Variants in MYH13 observed in about 807,000 individuals in gnomAD.
The protein encoded by MYH13 is myosin heavy chain 13, also known as myosin-13.
Under a neutral mutation model 232.1 loss-of-function variants are expected in MYH13, and 177 were observed. That is an observed-to-expected ratio of 0.76 (90% CI 0.67 to 0.86). The LOEUF (loss-of-function observed/expected upper bound fraction) is 0.86, where lower values mean the gene tolerates loss of function less well. Among genes scored for constraint, MYH13 ranks in the 40% least tolerant of loss-of-function variants. MYH13 has a pLI of 0.00. For synonymous variants in MYH13, 884 were observed against 923.5 expected, an observed-to-expected ratio of 0.96 and a Z score of 0.78; for missense variants, 2,246 against 2,405.9, an observed-to-expected ratio of 0.93 and a Z score of 1.39.
chr17:10,313,136 A>G (rs1414002547), intron 30 of MYH13, 22 bp downstream of exon 30: 6 of 1,613,938 alleles, frequency 3.7e-6, no homozygotes, highest in Admixed American at 3.3e-5. Context: ...CCCCTCTGCT[A>G]TTGCCACCCT....
Position 10,333,163 on chromosome 17 carries a change from G to T in MYH13, c.2085C>A (p.His695Gln). 1.3e-6 allele frequency: 2 copies of T among 1,551,568 alleles called. No homozygotes were observed. Among genetic ancestry groups the T allele is most frequent in the African/African-American group, 1.4e-5 (1 of 73,198 alleles). ...CGAGGACCCCGTTACAGCGCAGCTG[G>T]TGCATGACCAAGTAGTGGTCCATCA... is the stretch of plus-strand genomic sequence containing the variant. Reference protein sequence around the residue: ...PGVMDHYLVMHQLRCNGVLEG... With the variant: ...PGVMDHYLVMQQLRCNGVLEG... Residue 695 changes from histidine to glutamine, a missense_variant, in exon 19 of 41, where the codon CAC becomes CAA. Coordinates refer to ENST00000252172, the MANE Select transcript of MYH13 (RefSeq NM_003802.3).
At chr17:10,324,588 G>A (rs1410785147) in intron 22 of MYH13, among the ~76,000 whole-genome samples, 3 of 151,930 alleles carry the variant, frequency 2.0e-5, no homozygotes, top group Non-Finnish European at 4.4e-5. Flanking sequence ...GGGATTACAG[G>A]CATGTGCTAC....
At position 10,344,090 on chromosome 17, in the gene MYH13, A is replaced by T. The variant is rs747566701; in HGVS notation, c.1604T>A (p.Ile535Asn). 2 of 1,614,020 alleles carry T rather than the reference A, an allele frequency of 1.2e-6. No individual in the cohort carries two copies. The highest frequency in any genetic ancestry group is 1.7e-6 in the Non-Finnish European group (2 of 1,179,904). The change falls in exon 16 of 41, where the codon ATC becomes AAC. Residue 535 changes from isoleucine (I) to asparagine (N), a missense_variant. Transcript: ENST00000252172. ...GGGGAACATGCACTCCTCTTCCAGG[A>T]TGGAGAAGATGCCCATAGGCTGGAA... is the stretch of plus-strand genomic sequence containing the variant. ...LIEKPMGIFS[I>N]LEEECMFPKA...
At chr17:10,308,884 A>G (rs1906387501) in intron 35 of MYH13, among the ~76,000 whole-genome samples, 1 of 152,130 alleles carries the variant, frequency 6.6e-6, no homozygotes, top group Non-Finnish European at 1.5e-5. Flanking sequence ...GAGCCGGGTC[A>G]AAAATAATTA....
chr17:10,328,669 T>C (rs1376428429), intron 21 of MYH13, among the ~76,000 whole-genome samples: 6 of 143,544 alleles, frequency 4.2e-5, no homozygotes, highest in Non-Finnish European at 1.5e-5. Context: ...ATTTCTTTCT[T>C]TTCTATTCGT....
Position 10,306,982 on chromosome 17 carries a change from T to C in MYH13, c.5252A>G (p.Glu1751Gly). The C allele has an allele frequency of 6.2e-7, 1 of 1,614,054 alleles. No homozygotes were observed. The highest frequency in any genetic ancestry group is 1.1e-5 in the South Asian group (1 of 91,082). ...CQAEVENSIQ[E>G]SRNAEEKAKK... ...GGCCTTCTCCTCTGCGTTCCTGGAC[T>C]CCTGGATCGAGTTCTCCACCTCTGC... Residue 1751 changes from glutamate to glycine, a missense_variant, in exon 36 of 41, where the codon GAG (glutamate) becomes GGG (glycine). Coordinates refer to ENST00000252172, the MANE Select transcript of MYH13 (RefSeq NM_003802.3). The surrounding 1 kb of genome is among the most constrained non-coding windows in gnomAD (Gnocchi z 4.3).
In MYH13 at chr17:10,354,709, C is replaced by T. The variant is rs201107300; in HGVS notation, c.976G>A (p.Asp326Asn). ...GTCGCCAGCAGTTCTTCACTGTCAT[C>T]GATACTGGCTACCGTGACCTCTCCT... ...SQGEVTVASI[D>N]DSEELLATDN... is the part of the protein sequence containing the mutation. Residue 326 changes from aspartate (D) to asparagine (N), a missense_variant, in exon 11 of 41, where the codon GAT (aspartate) becomes AAT (asparagine). Physicochemically the swap from Asp to Asn is conservative, Grantham distance 23. Transcript: ENST00000252172. 92 of 1,613,844 alleles carry T rather than the reference C, an allele frequency of 5.7e-5. 1 individual carries two copies. The South Asian group carries it at 7.4e-4, about 13-fold the overall frequency.
rs148679206 is a variant in MYH13, at chr17:10,328,415, G to A, written c.2436-294C>T. 3.2e-3 allele frequency among the ~76,000 whole-genome samples: 480 copies of A among 152,304 alleles called. 1 individual carries two copies. Among genetic ancestry groups the A allele is most frequent in the Middle Eastern group, 0.01 (3 of 294 alleles). On this transcript the variant is annotated intron_variant, in intron 21 of 40. Coordinates refer to ENST00000252172, the MANE Select transcript of MYH13 (RefSeq NM_003802.3). ...GAGAGTGCCCTGCCTGAGGGCGTCC[G>A]TGACCTCCTAATGCTCAATGCAAGG...
chr17:10,346,677 T>G lies in MYH13; in HGVS notation c.1263+3A>C. ...TCAACTGGATTCAGAGCATCTCCAT[T>G]ACCTGCTGGACATTTTGCCCTTTAG... On this transcript the variant is annotated splice_donor_region_variant and intron_variant, in intron 13 of 40. Coordinates refer to ENST00000252172, the MANE Select transcript of MYH13 (RefSeq NM_003802.3). 6.2e-7 allele frequency: 1 copy of G among 1,605,132 alleles called. No individual in the cohort carries two copies. The highest frequency in any genetic ancestry group is 1.7e-5 in the Admixed American group (1 of 59,952).
Position 10,306,527 on chromosome 17 carries a change from G to A in MYH13, c.5398C>T (p.Arg1800Cys). 5.0e-6 allele frequency: 8 copies of A among 1,613,958 alleles called. No homozygotes were observed. Among genetic ancestry groups the A allele is most frequent in the Non-Finnish European group, 6.8e-6 (8 of 1,179,994 alleles). The change falls in exon 37 of 41, where the codon CGT becomes TGT. Residue 1800 changes from arginine to cysteine, a missense_variant. Transcript: ENST00000252172. The surrounding 1 kb of genome is among the most constrained non-coding windows in gnomAD (Gnocchi z 4.3). ...LEQTVKDLQH[R>C]LDEAEQLALK... ...GCCAGTTGTTCAGCCTCATCTAGAC[G>A]GTGCTGCAGGTCCTTCACCGTCTGC...
intron 3 of MYH13, among the ~76,000 whole-genome samples, chr17:10,362,975 C>G (rs1008220856): frequency 9.2e-5 from 14 of 152,174 alleles, no homozygotes; most frequent in African/African-American, 3.1e-4. Flanking sequence ...AGCACCAACT[C>G]TTCCACGACC....
rs777846745 is a variant in MYH13 at position 10,306,460 on chromosome 17, C to T, written c.5465G>A (p.Arg1822Gln). The change falls in exon 37 of 41, where the codon CGG becomes CAG. Residue 1822 changes from arginine to glutamine, a missense_variant and splice_region_variant. By Grantham distance (43) the Arg-to-Gln change is conservative (BLOSUM62 1). Coordinates refer to ENST00000252172, the MANE Select transcript of MYH13 (RefSeq NM_003802.3). This position sits in a 1 kb window ranked among gnomAD's most constrained non-coding sequence, Gnocchi z 4.3. ...GKKQIQKLEN[R>Q]VRELENELDV... is the part of the protein sequence containing the mutation. Reference sequence around the variant, plus strand: ...TAACAGTCCTCTCAAAAACTCTACCCGGTTCTCCAGTTTCTGGATCTGCTT... The same window carrying T: ...TAACAGTCCTCTCAAAAACTCTACCTGGTTCTCCAGTTTCTGGATCTGCTT... The T allele has an allele frequency of 2.0e-5, 32 of 1,613,996 alleles. No individual in the cohort carries two copies. The highest frequency in any genetic ancestry group is 5.0e-5 in the Admixed American group (3 of 59,992).
intron 18 of MYH13, 73 bp downstream of exon 18, chr17:10,340,077 C>T (rs755065909): frequency 3.7e-4 from 484 of 1,312,002 alleles, no homozygotes; most frequent in Non-Finnish European, 5.0e-4. Flanking sequence ...CAAACGCACA[C>T]CCACAGAATT....
rs1357852552 is a variant in MYH13 at position 10,345,198 on chromosome 17, C to G, written c.1584+4G>C. 1.2e-6 allele frequency: 2 copies of G among 1,614,090 alleles called. No homozygotes were observed. The highest frequency in any genetic ancestry group is 3.3e-5 in the Admixed American group (2 of 60,024). On this transcript the variant is annotated splice_donor_region_variant and intron_variant, in intron 15 of 40. Coordinates refer to ENST00000252172, the MANE Select transcript of MYH13 (RefSeq NM_003802.3). The stretch of plus-strand genomic sequence containing the variant: ...AGCTGTCCCAGGCAGCAGTATCTCT[C>G]TACCTTCTCGATGAGCTCGATGCAG...
intron 3 of MYH13, among the ~76,000 whole-genome samples, chr17:10,362,834 G>A (rs74564389): frequency 0.041 from 6,216 of 152,214 alleles, 260 homozygotes; most frequent in African/African-American, 0.098. Flanking sequence ...TGAGACAAAG[G>A]TTGGAAGGTT....
chr17:10,311,349 G>A, intron 32 of MYH13, 122 bp from the exon 33 acceptor site: 2 of 1,260,380 alleles, frequency 1.6e-6, no homozygotes, highest in South Asian at 3.0e-5. Flanking sequence ...AGAATACAGG[G>A]CAGCCGTTCA....
intron 19 of MYH13, 94 bp from the exon 20 acceptor site, chr17:10,332,316 T>TG: frequency 6.7e-7 from 1 of 1,491,142 alleles, no homozygotes; most frequent in Non-Finnish European, 9.3e-7. Context: ...GCTCAAGCCT[T>TG]AGGAGGAAGT....
intron 6 of MYH13, 34 bp from the exon 7 acceptor site, chr17:10,360,105 G>A (rs2071780448): frequency 6.2e-7 from 1 of 1,614,022 alleles, no homozygotes; most frequent in Non-Finnish European, 8.5e-7. Flanking sequence ...ATAAAGGAGA[G>A]TGGAAGGGAG....
chr17:10,365,840 G>GGT (rs150455118), intron 2 of MYH13, among the ~76,000 whole-genome samples: 13,109 of 140,054 alleles, frequency 0.094, 664 homozygotes, highest in Non-Finnish European at 0.11. Flanking sequence ...CTTGCTGCAT[G>GGT]GTGTGTGTGT....
Sources: gnomAD v4.1 joint callset for allele counts (sites outside exome capture counted in the v4.1 genomes callset) on GRCh38, gnomAD v4.1.1 for gene constraint, Gnocchi (gnomAD v3.1) non-coding constraint, MANE v1.5 for transcripts, NCBI Gene and HGNC (gene_info 2026-07-23, HGNC 2026-07-21) for gene names.